The following EOMES variants were observed in gnomAD, a reference collection of about 807,000 sequenced individuals.
The protein encoded by EOMES is eomesodermin homolog.
EOMES carries 18 observed loss-of-function variants against 61.0 expected under a neutral mutation model. The observed-to-expected ratio is 0.30, with a 90% CI of 0.20 to 0.44. The LOEUF is 0.44. Among genes scored for constraint, EOMES ranks in the 20% least tolerant of loss-of-function variants. The pLI, the probability that EOMES is intolerant of heterozygous loss-of-function variation, is 1.00. For synonymous variants in EOMES, 430 were observed against 394.0 expected (o/e 1.09, Z -1.08); for missense variants, 885 against 939.2 (o/e 0.94, Z 0.75).
In EOMES at chr3:27,722,175, G is replaced by T; in HGVS notation, c.120C>A (p.Ala40=). The change falls in exon 1 of 6, where the codon GCC becomes GCA. Residue 40 remains alanine, a synonymous_variant. Transcript: ENST00000449599. ...CTAAGTCCAACTTCTGAGGAGAGGGGGCCGCGCTGGGGAGGTGGCCAGCGC... is the reference window on the plus strand; with the variant it reads ...CTAAGTCCAACTTCTGAGGAGAGGGTGCCGCGCTGGGGAGGTGGCCAGCGC... The part of the protein sequence containing the change: ...GGSAGHLPSA[A]PSPQKLDLDK... 6.3e-7 allele frequency: 1 copy of T among 1,590,542 alleles called. No individual in the cohort carries two copies. The highest frequency in any genetic ancestry group is 8.5e-7 in the Non-Finnish European group (1 of 1,169,768).
chr3:27,722,399 T>C (rs183308332), upstream of EOMES: 783 of 1,365,300 alleles, frequency 5.7e-4, 4 homozygotes, highest in African/African-American at 0.01. Flanking sequence ...GGAAGGTAAC[T>C]TCCCCTTCCT....
rs561414198 is a variant in EOMES at position 27,717,952 on chromosome 3, G to A, written c.1380-144C>T. 54 of 626,434 alleles carry A rather than the reference G, an allele frequency of 8.6e-5. No individual in the cohort carries two copies. Among genetic ancestry groups the A allele is most frequent in the Middle Eastern group, 4.4e-4 (1 of 2,278 alleles). The allele number at this position is 626,434 out of a possible 1,614,324, so 38.8% of individuals were successfully genotyped here. ...TGTTGGGCTGAAAGAACAGAGGCAG[G>A]AGATGCACTGGCCCATTTTAGCTGG... On this transcript the variant is annotated intron_variant, in intron 5 of 5. Transcript: ENST00000449599. This position sits in a 1 kb window ranked among gnomAD's most constrained non-coding sequence, Gnocchi z 4.5.
In EOMES at chr3:27,721,570, G is replaced by A. The variant is rs760857084; in HGVS notation, c.725C>T (p.Pro242Leu). The change falls in exon 1 of 6, where the codon CCG (proline) becomes CTG (leucine). Residue 242 changes from proline (P) to leucine (L), a missense_variant. This residue lies in a region of EOMES where 449 missense variants were observed against 383.6 expected (regional missense o/e 1.17). Coordinates refer to ENST00000449599, the MANE Select transcript of EOMES (RefSeq NM_001278182.2). The surrounding 1 kb of genome is among the most constrained non-coding windows in gnomAD (Gnocchi z 7.4). ...QYSQGAPLYG[P>L]YPGAAAAGSC... is the part of the protein sequence containing the mutation. ...TCCCGCCGCTGCGGCTCCAGGGTAC[G>A]GCCCGTAGAGCGGAGCCCCCTGGCT... 1.3e-6 allele frequency: 2 copies of A among 1,594,356 alleles called. No homozygotes were observed. The highest frequency in any genetic ancestry group is 1.7e-6 in the Non-Finnish European group (2 of 1,171,698).
Position 27,717,514 on chromosome 3 carries a change from T to C in EOMES, c.1674A>G (p.Glu558=), listed in dbSNP as rs1182487721. 2 of 1,614,190 alleles carry C rather than the reference T, an allele frequency of 1.2e-6. No homozygotes were observed. Among genetic ancestry groups the C allele is most frequent in the Admixed American group, 1.7e-5 (1 of 60,030 alleles). The part of the protein sequence containing the change: ...NKLDISSYES[E]YTSSTLLPYG... Reference sequence around the variant, plus strand: ...ATGGGAGCAATGTGCTAGAAGTATATTCAGATTCATAGGAACTGATGTCTA... The same window carrying C: ...ATGGGAGCAATGTGCTAGAAGTATACTCAGATTCATAGGAACTGATGTCTA... Residue 558 remains glutamate, a synonymous_variant, in exon 6 of 6, where the codon GAA becomes GAG. Coordinates refer to ENST00000449599, the MANE Select transcript of EOMES (RefSeq NM_001278182.2). The surrounding 1 kb of genome is among the most constrained non-coding windows in gnomAD (Gnocchi z 4.5).
chr3:27,721,809 G>T lies in EOMES; in HGVS notation c.486C>A (p.Leu162=). The change falls in exon 1 of 6, where the codon CTC becomes CTA. Residue 162 remains leucine, a synonymous_variant. Transcript: ENST00000449599. This position sits in a 1 kb window ranked among gnomAD's most constrained non-coding sequence, Gnocchi z 7.4. ...QGSELAAPCS[L]FPYQAAAGAP... is the part of the protein sequence containing the mutation. ...CCCCAGCCGCCGCCTGGTACGGGAA[G>T]AGTGAGCAGGGCGCAGCCAGCTCCG... is the stretch of plus-strand genomic sequence containing the variant. 1 of 1,510,810 alleles carries T rather than the reference G, an allele frequency of 6.6e-7. No individual in the cohort carries two copies. Among genetic ancestry groups the T allele is most frequent in the East Asian group, 2.6e-5 (1 of 38,176 alleles). The allele number at this position is 1,510,810 out of a possible 1,614,324, so 93.6% of individuals were successfully genotyped here.
At chr3:27,720,102 TTG>T in intron 2 of EOMES, 67 bp downstream of exon 2, 2 of 1,417,378 alleles carry the variant, frequency 1.4e-6, no homozygotes, top group Non-Finnish European at 1.9e-6. Flanking sequence ...TAAATGTGAG[TTG>T]TGTGAGTCGA....
Position 27,721,061 on chromosome 3 carries a change from C to T in EOMES, c.881+353G>A, listed in dbSNP as rs2060608910. 6.6e-6 allele frequency among the ~76,000 whole-genome samples: 1 copy of T among 152,218 alleles called. No individual in the cohort carries two copies. Among genetic ancestry groups the T allele is most frequent in the African/African-American group, 2.4e-5 (1 of 41,464 alleles). ...AGCCTTCCCTATCCGTGGCTCCTTGCCGGCATGCAGGCATGCACAAGCATA... is the reference window on the plus strand; with the variant it reads ...AGCCTTCCCTATCCGTGGCTCCTTGTCGGCATGCAGGCATGCACAAGCATA... On this transcript the variant is annotated intron_variant, in intron 1 of 5. Transcript: ENST00000449599. This position sits in a 1 kb window ranked among gnomAD's most constrained non-coding sequence, Gnocchi z 7.4.
chr3:27,720,757 CTT>C (rs1015872921), intron 1 of EOMES, among the ~76,000 whole-genome samples: 9 of 152,124 alleles, frequency 5.9e-5, no homozygotes, highest in African/African-American at 2.2e-4. Flanking sequence ...TATATTAAAA[CTT>C]TAGGCTAAAA....
upstream of EOMES, chr3:27,722,511 G>A: frequency 7.4e-7 from 1 of 1,349,756 alleles, no homozygotes; most frequent in Non-Finnish European, 9.4e-7. Flanking sequence ...GCCGTGAGTT[G>A]GAAAGCAGGA....
intron 3 of EOMES, among the ~76,000 whole-genome samples, 168 bp downstream of exon 3, chr3:27,719,192 G>A (rs2060592040): frequency 6.6e-6 from 1 of 151,984 alleles, no homozygotes; most frequent in Non-Finnish European, 1.5e-5. Flanking sequence ...AATCCAATAA[G>A]AAAGTGAAGA....
Position 27,718,835 on chromosome 3 carries a change from G to A in EOMES, c.1217C>T (p.Thr406Ile). 6.2e-7 allele frequency: 1 copy of A among 1,613,958 alleles called. No homozygotes were observed. The highest frequency in any genetic ancestry group is 1.1e-5 in the South Asian group (1 of 91,080). Residue 406 changes from threonine to isoleucine, a missense_variant, in exon 4 of 6, where the codon ACA becomes ATA. Coordinates refer to ENST00000449599, the MANE Select transcript of EOMES (RefSeq NM_001278182.2). ...ATTCAAGTCCTCCACGCCATCCTCTGTAACTTCAACAATATGCAGTCGGGG... is the reference window on the plus strand; with the variant it reads ...ATTCAAGTCCTCCACGCCATCCTCTATAACTTCAACAATATGCAGTCGGGG... Reference protein sequence around the residue: ...YQPRLHIVEVTEDGVEDLNEP... With the variant: ...YQPRLHIVEVIEDGVEDLNEP...
chr3:27,721,579 A>T lies in EOMES; in HGVS notation c.716T>A (p.Leu239His), dbSNP rs1412056858. 1 of 1,585,824 alleles carries T rather than the reference A, an allele frequency of 6.3e-7. No homozygotes were observed. Among genetic ancestry groups the T allele is most frequent in the Non-Finnish European group, 8.6e-7 (1 of 1,167,594 alleles). The change falls in exon 1 of 6, where the codon CTC becomes CAC. Residue 239 changes from leucine to histidine, a missense_variant. Leu to His is a moderately conservative substitution (Grantham distance 99, BLOSUM62 -3). Coordinates refer to ENST00000449599, the MANE Select transcript of EOMES (RefSeq NM_001278182.2). This position sits in a 1 kb window ranked among gnomAD's most constrained non-coding sequence, Gnocchi z 7.4. ...TGCGGCTCCAGGGTACGGCCCGTAGAGCGGAGCCCCCTGGCTGTACTGATA... is the reference window on the plus strand; with the variant it reads ...TGCGGCTCCAGGGTACGGCCCGTAGTGCGGAGCCCCCTGGCTGTACTGATA... Reference protein sequence around the residue: ...GTYQYSQGAPLYGPYPGAAAA... With the variant: ...GTYQYSQGAPHYGPYPGAAAA...
Position 27,715,986 on chromosome 3 carries a change from TA to T in EOMES, c.*1083del, listed in dbSNP as rs2060566890. The T allele has an allele frequency of 6.6e-6, 1 of 152,124 alleles. No homozygotes were observed. The highest frequency in any genetic ancestry group is 1.5e-5 in the Non-Finnish European group (1 of 68,022). 9.4% of individuals were successfully genotyped at this position (152,124 alleles called of 1,614,324 possible). ...CTGAACCACATTTATTAAAAATGACTAAGACTGTACATAAAAATCCAAGATC... is the reference window on the plus strand; with the variant it reads ...CTGAACCACATTTATTAAAAATGACTAGACTGTACATAAAAATCCAAGATC... On this transcript the variant is annotated 3_prime_UTR_variant, in exon 6 of 6. Coordinates refer to ENST00000449599, the MANE Select transcript of EOMES (RefSeq NM_001278182.2).
rs2060568697 is a variant in EOMES, at chr3:27,716,312, A to G, written c.*758T>C. 6.6e-6 allele frequency: 1 copy of G among 152,102 alleles called. No individual in the cohort carries two copies. Among genetic ancestry groups the G allele is most frequent in the South Asian group, 2.1e-4 (1 of 4,824 alleles). The allele number at this position is 152,102 out of a possible 1,614,324, so 9.4% of individuals were successfully genotyped here. On this transcript the variant is annotated 3_prime_UTR_variant, in exon 6 of 6. Transcript: ENST00000449599. ...CCAGACACCTATGTAGACTATTTGT[A>G]CAATATATACCACATTATTCTATAG...
chr3:27,717,544 G>C lies in EOMES; in HGVS notation c.1644C>G (p.Asn548Lys), dbSNP rs369282334. 2 of 1,614,204 alleles carry C rather than the reference G, an allele frequency of 1.2e-6. No homozygotes were observed. Among genetic ancestry groups the C allele is most frequent in the Admixed American group, 3.3e-5 (2 of 60,024 alleles). ...LVTPVQQPGT[N>K]KLDISSYESE... is the part of the protein sequence containing the mutation. ...ATTCATAGGAACTGATGTCTAGTTTGTTGGTCCCAGGTTGCTGGACAGGCG... is the reference window on the plus strand; with the variant it reads ...ATTCATAGGAACTGATGTCTAGTTTCTTGGTCCCAGGTTGCTGGACAGGCG... Residue 548 changes from asparagine to lysine, a missense_variant, in exon 6 of 6, where the codon AAC becomes AAG. By Grantham distance (94) the Asn-to-Lys change is moderately conservative. Transcript: ENST00000449599. This position sits in a 1 kb window ranked among gnomAD's most constrained non-coding sequence, Gnocchi z 4.5.
chr3:27,720,165 G>C lies in EOMES; in HGVS notation c.1036+6C>G, dbSNP rs2060600375. 1 of 1,570,206 alleles carries C rather than the reference G, an allele frequency of 6.4e-7. No homozygotes were observed. Among genetic ancestry groups the C allele is most frequent in the African/African-American group, 1.4e-5 (1 of 73,224 alleles). The stretch of plus-strand genomic sequence containing the variant: ...CCTCCCCGGCCCGAGCCTCTTCTCT[G>C]CTCACCCTGCATGTTATTGTCGGCT... On this transcript the variant is annotated splice_donor_region_variant and intron_variant, in intron 2 of 5. Coordinates refer to ENST00000449599, the MANE Select transcript of EOMES (RefSeq NM_001278182.2).
rs928063765 is a variant in EOMES, at chr3:27,721,345, C to T, written c.881+69G>A. 9 of 1,373,196 alleles carry T rather than the reference C, an allele frequency of 6.6e-6. No individual in the cohort carries two copies. The highest frequency in any genetic ancestry group is 8.1e-6 in the Non-Finnish European group (8 of 991,196). The allele number at this position is 1,373,196 out of a possible 1,614,324, so 85.1% of individuals were successfully genotyped here. On this transcript the variant is annotated intron_variant, in intron 1 of 5. Coordinates refer to ENST00000449599, the MANE Select transcript of EOMES (RefSeq NM_001278182.2). This position sits in a 1 kb window ranked among gnomAD's most constrained non-coding sequence, Gnocchi z 7.4. Reference sequence around the variant, plus strand: ...ACAACTGGGTTCAGCTCCCTCATCCCGGACCTTCCCCAGGACCACACGTCA... The same window carrying T: ...ACAACTGGGTTCAGCTCCCTCATCCTGGACCTTCCCCAGGACCACACGTCA...
rs1170580153 is a variant in EOMES at position 27,717,967 on chromosome 3, A to G, written c.1380-159T>C. Among the ~76,000 whole-genome samples the G allele has an allele frequency of 6.6e-6, 1 of 152,156 alleles. No individual in the cohort carries two copies. Among genetic ancestry groups the G allele is most frequent in the Non-Finnish European group, 1.5e-5 (1 of 68,036 alleles). ...ACAGAGGCAGGAGATGCACTGGCCC[A>G]TTTTAGCTGGACTCTTGGCTTATTG... On this transcript the variant is annotated intron_variant, in intron 5 of 5. Coordinates refer to ENST00000449599, the MANE Select transcript of EOMES (RefSeq NM_001278182.2). This position sits in a 1 kb window ranked among gnomAD's most constrained non-coding sequence, Gnocchi z 4.5.
intron 3 of EOMES, 108 bp from the exon 4 acceptor site, chr3:27,719,001 CCTCACTAACAGCTT>C: frequency 1.2e-6 from 1 of 807,188 alleles, no homozygotes; most frequent in Non-Finnish European, 1.9e-6. Flanking sequence ...TCTAAATGCT[CCTCACTAACAGCTT>C]TGTTTATTGC....
Sources: allele counts gnomAD v4.1 joint callset (sites outside exome capture counted in the v4.1 genomes callset), GRCh38; gene constraint gnomAD v4.1.1; regional missense constraint gnomAD v4.1.1; non-coding constraint Gnocchi (gnomAD v3.1); transcripts MANE v1.5; gene names NCBI Gene and HGNC (gene_info 2026-07-23, HGNC 2026-07-21).